The following FGD1 variants were observed in gnomAD, a reference collection of about 807,000 sequenced individuals.
The protein encoded by FGD1 is FYVE, RhoGEF and PH domain-containing protein 1.
Under a neutral mutation model 65.0 loss-of-function variants are expected in FGD1, and 12 were observed. The ratio of observed to expected loss-of-function variants is 0.18; its 90% confidence interval spans 0.12 to 0.30. FGD1 has a LOEUF of 0.30. Ranked by LOEUF, FGD1 falls within the 10% of genes least tolerant of loss-of-function variation. The pLI is 1.00. For synonymous variants in FGD1, 333 were observed against 343.9 expected, an observed-to-expected ratio of 0.97 and a Z score of 0.35; for missense variants, 542 against 837.6, an observed-to-expected ratio of 0.65 and a Z score of 4.36.
chrX:54,454,014 A>C (rs893224544), intron 12 of FGD1, among the ~76,000 whole-genome samples: 15 of 112,334 alleles, frequency 1.3e-4, no homozygotes, highest in African/African-American at 4.8e-4. Flanking sequence ...ACAGGATAGC[A>C]CAAGTACAAT....
At chrX:54,455,067 G>T (rs1184393253) in intron 12 of FGD1, among the ~76,000 whole-genome samples, 2 of 112,488 alleles carry the variant, frequency 1.8e-5, no homozygotes, top group Non-Finnish European at 3.8e-5. Flanking sequence ...GCATTTGATT[G>T]TTATTTCTCT....
intron 12 of FGD1, among the ~76,000 whole-genome samples, chrX:54,454,767 T>G (rs1405735615): frequency 9.0e-6 from 1 of 111,336 alleles, no homozygotes; most frequent in African/African-American, 3.3e-5. Flanking sequence ...ACTGTATATG[T>G]GTATGTATGT....
At chrX:54,473,530 C>G (rs767688121) in intron 1 of FGD1, among the ~76,000 whole-genome samples, 1 of 111,965 alleles carries the variant, frequency 8.9e-6, no homozygotes, top group Non-Finnish European at 1.9e-5. Context: ...CATCCTCGGC[C>G]TCTGCATGGA....
chrX:54,469,539 G>A (rs1922835340), intron 4 of FGD1, among the ~76,000 whole-genome samples: 1 of 112,257 alleles, frequency 8.9e-6, no homozygotes, highest in African/African-American at 3.2e-5. Context: ...TTGCCTGTTG[G>A]CCTAGTTTCC....
chrX:54,467,130 T>C (rs1259252354), intron 6 of FGD1, among the ~76,000 whole-genome samples: 1 of 110,767 alleles, frequency 9.0e-6, no homozygotes, highest in East Asian at 2.8e-4. Context: ...GCCGTTATTA[T>C]TTCCCCCCAT....
rs775152225 is a variant in FGD1, at chrX:54,446,183, C to A, written c.2812G>T (p.Glu938Ter). The A allele has an allele frequency of 9.1e-6, 11 of 1,211,526 alleles. No homozygotes were observed. The highest frequency in any genetic ancestry group is 1.1e-5 in the Non-Finnish European group (10 of 895,313). ...CCTAAAGCAGCCACCGGTGCCTCCT[C>A]CATCTCCCTGTCCTCAGACAGTGTG... Reference protein sequence around the residue: ...GPTLSEDREMEEAPVAALGAT... With the variant: ...GPTLSEDREM The change falls in exon 18 of 18, where the codon GAG becomes TAG. Residue 938 changes from glutamate to a stop codon, truncating the protein, a stop_gained. Transcript: ENST00000375135. LOFTEE classifies it high-confidence loss of function.
intron 1 of FGD1, among the ~76,000 whole-genome samples, chrX:54,492,618 T>C (rs1414412572): frequency 8.9e-6 from 1 of 112,434 alleles, no homozygotes; most frequent in African/African-American, 3.2e-5. Context: ...GTGAATCACA[T>C]GGCCCGGCGC....
chrX:54,469,438 T>C (rs1243516729), intron 4 of FGD1, among the ~76,000 whole-genome samples: 1 of 112,509 alleles, frequency 8.9e-6, no homozygotes, highest in Non-Finnish European at 1.9e-5. Flanking sequence ...AATTAATCAT[T>C]TATTCACCCA....
Position 54,470,864 on chromosome X carries a change from C to T in FGD1, c.482-104G>A, listed in dbSNP as rs1922875101. On this transcript the variant is annotated intron_variant, in intron 2 of 17. Transcript: ENST00000375135. ...TCTCTACTAAAAATACAAAAATTAG[C>T]TGGGCATGGTGGCACGTGCCTGTAG... The T allele has an allele frequency of 6.4e-6, 3 of 466,969 alleles. No homozygotes were observed. In the East Asian group the frequency reaches 1.1e-4, roughly 17 times the overall value. 38.5% of individuals were successfully genotyped at this position (466,969 alleles called of 1,213,427 possible).
At chrX:54,447,122 A>G (rs1485367236) in intron 17 of FGD1, among the ~76,000 whole-genome samples, 189 bp downstream of exon 17, 1 of 111,765 alleles carries the variant, frequency 8.9e-6, no homozygotes, top group Non-Finnish European at 1.9e-5. Context: ...GGTTTTCCCT[A>G]CATACCACAA....
intron 1 of FGD1, among the ~76,000 whole-genome samples, chrX:54,485,569 A>T (rs1405650517): frequency 5.4e-5 from 6 of 110,707 alleles, no homozygotes; most frequent in Non-Finnish European, 1.1e-4. Context: ...CCTGGACACA[A>T]GTGATCCTTC....
At chrX:54,475,222 A>C (rs1362732543) in intron 1 of FGD1, among the ~76,000 whole-genome samples, 3 of 112,305 alleles carry the variant, frequency 2.7e-5, no homozygotes, top group Non-Finnish European at 5.6e-5. Context: ...GGTGAGAGGA[A>C]AAGAGATTGT....
intron 1 of FGD1, among the ~76,000 whole-genome samples, chrX:54,485,940 A>C (rs748474477): frequency 9.8e-6 from 1 of 101,886 alleles, no homozygotes; most frequent in Non-Finnish European, 2.0e-5. Flanking sequence ...ACGCCTGGCT[A>C]ATTTTTGTAT....
In FGD1 at chrX:54,495,250, G is replaced by A. The variant is rs775792843; in HGVS notation, c.183C>T (p.Val61=). 11 of 1,193,237 alleles carry A rather than the reference G, an allele frequency of 9.2e-6. No homozygotes were observed. Among genetic ancestry groups the A allele is most frequent in the Admixed American group, 4.6e-5 (2 of 43,836 alleles). ...CGCCCAGGCTGGTGTCCGAGGGTCC[G>A]ACAAACTGGGGATCCAGTGGGCCGC... ...ALGGPLDPQF[V]GPSDTSLGAA... Residue 61 remains valine (V), a synonymous_variant, in exon 1 of 18, where the codon GTC becomes GTT. Transcript: ENST00000375135.
In FGD1 at chrX:54,468,849, T is replaced by C. The variant is rs751413099; in HGVS notation, c.1129A>G (p.Ile377Val). The C allele has an allele frequency of 5.8e-6, 7 of 1,206,255 alleles. No homozygotes were observed. Among genetic ancestry groups the C allele is most frequent in the South Asian group, 1.8e-5 (1 of 56,462 alleles). Reference protein sequence around the residue: ...ELTVQQKVFHIANELLQTEKA... With the variant: ...ELTVQQKVFHVANELLQTEKA... The stretch of plus-strand genomic sequence containing the variant: ...TCAGTTTGCAGGAGCTCATTGGCAA[T>C]GTGAAACACCTTTTGCTGCACAGTC... The change falls in exon 5 of 18, where the codon ATT (isoleucine) becomes GTT (valine). Residue 377 changes from isoleucine (I) to valine (V), a missense_variant. Coordinates refer to ENST00000375135, the MANE Select transcript of FGD1 (RefSeq NM_004463.3).
intron 1 of FGD1, among the ~76,000 whole-genome samples, chrX:54,482,234 G>GCACACACACACACACACA (rs1287986195): frequency 1.4e-5 from 1 of 70,252 alleles, no homozygotes; most frequent in African/African-American, 1.4e-4. Flanking sequence ...GCGCACACGC[G>GCACACACACACACACACA]CGCACACACA....
chrX:54,450,128 TA>T, intron 13 of FGD1, 142 bp downstream of exon 13: 1 of 607,171 alleles, frequency 1.6e-6, no homozygotes, highest in Non-Finnish European at 2.8e-6. Context: ...TGCTTATCTG[TA>T]AAATGGGGAT....
chrX:54,472,359 A>T (rs1922915207), intron 1 of FGD1, among the ~76,000 whole-genome samples: 1 of 111,155 alleles, frequency 9.0e-6, no homozygotes. Flanking sequence ...CAACTTCCAC[A>T]TCTACACAGA....
chrX:54,495,204 A>C lies in FGD1; in HGVS notation c.229T>G (p.Leu77Val), dbSNP rs754594139. ...TGCTGTGGACTGGGACCGCAGGGCA[A>C]GACCCGGTGGCCTGGAGCAGCGCCC... ...SLGAAPGHRV[L>V]PCGPSPQHHR... Residue 77 changes from leucine to valine, a missense_variant, in exon 1 of 18, where the codon TTG becomes GTG. Physicochemically the swap from Leu to Val is conservative, Grantham distance 32. This residue lies in a region of FGD1 where 297 missense variants were observed against 326.8 expected (regional missense o/e 0.91). Transcript: ENST00000375135. The C allele has an allele frequency of 8.4e-7, 1 of 1,190,169 alleles. No homozygotes were observed. Among genetic ancestry groups the C allele is most frequent in the Non-Finnish European group, 1.1e-6 (1 of 885,305 alleles).
Sources: allele counts gnomAD v4.1 joint callset (sites outside exome capture counted in the v4.1 genomes callset), GRCh38; gene constraint gnomAD v4.1.1; regional missense constraint gnomAD v4.1.1; transcripts MANE v1.5; gene names NCBI Gene and HGNC (gene_info 2026-07-23, HGNC 2026-07-21).